Variants in DOCK10 observed in about 807,000 individuals in gnomAD.
DOCK10 encodes dedicator of cytokinesis protein 10.
Under a neutral mutation model 280.1 loss-of-function variants are expected in DOCK10, and 145 were observed. That is an observed-to-expected ratio of 0.52 (90% CI 0.45 to 0.59). DOCK10 has a LOEUF of 0.59. Among genes scored for constraint, DOCK10 ranks in the 20% least tolerant of loss-of-function variants. The probability of loss-of-function intolerance (pLI) is 0.00; values close to 1 mark genes in which losing one functional copy is unlikely to be tolerated. For synonymous variants in DOCK10, 915 were observed against 942.2 expected, an observed-to-expected ratio of 0.97 and a Z score of 0.53; for missense variants, 2,368 against 2,651.7, an observed-to-expected ratio of 0.89 and a Z score of 2.35.
chr2:224,808,799 T>C (rs887232158), intron 31 of DOCK10, among the ~76,000 whole-genome samples: 2 of 152,096 alleles, frequency 1.3e-5, no homozygotes, highest in Admixed American at 6.6e-5. Context: ...CTTTACTGAC[T>C]TATTAATATG....
intron 7 of DOCK10, among the ~76,000 whole-genome samples, chr2:224,883,170 G>A (rs955450761): frequency 1.3e-5 from 2 of 152,172 alleles, no homozygotes; most frequent in Admixed American, 6.5e-5. Context: ...GTTCATCATT[G>A]TTTCATGTTC....
chr2:224,865,145 C>A, intron 11 of DOCK10, 58 bp from the exon 12 acceptor site: 1 of 1,507,944 alleles, frequency 6.6e-7, no homozygotes, highest in Admixed American at 1.7e-5. Flanking sequence ...CATGAGACAG[C>A]CTCGTTAGTA....
chr2:225,002,394 A>C (rs1290016592), intron 1 of DOCK10, among the ~76,000 whole-genome samples: 2 of 152,228 alleles, frequency 1.3e-5, no homozygotes, highest in Non-Finnish European at 2.9e-5. Flanking sequence ...ATGCTGAATA[A>C]AAGCAGGCAC....
chr2:224,931,465 G>C, intron 2 of DOCK10, 84 bp downstream of exon 2: 1 of 1,457,864 alleles, frequency 6.9e-7, no homozygotes, highest in Non-Finnish European at 9.2e-7. Context: ...GGGAGGCCTG[G>C]ACTCTCTGAA....
intron 22 of DOCK10, among the ~76,000 whole-genome samples, chr2:224,842,153 G>T (rs1696007093): frequency 6.6e-6 from 1 of 152,168 alleles, no homozygotes; most frequent in African/African-American, 2.4e-5. Context: ...ACATGACAAT[G>T]GCTGGAGAAT....
chr2:224,961,468 TTTTCTTTC>T (rs1553623603), intron 1 of DOCK10, among the ~76,000 whole-genome samples: 1 of 66,620 alleles, frequency 1.5e-5, no homozygotes, highest in African/African-American at 7.1e-5. Flanking sequence ...CTTTCTTTCT[TTTTCTTTC>T]TTTCTTTCTC....
chr2:224,886,207 A>G (rs1376378951), intron 5 of DOCK10, 22 bp from the exon 6 acceptor site: 3 of 1,613,472 alleles, frequency 1.9e-6, no homozygotes, highest in Non-Finnish European at 2.5e-6. Context: ...GCATAGTAGC[A>G]TGACAGCCAT....
chr2:224,775,429 G>A (rs941200078), intron 51 of DOCK10, among the ~76,000 whole-genome samples: 4 of 151,924 alleles, frequency 2.6e-5, no homozygotes, highest in Admixed American at 6.6e-5. Context: ...ATGTTCAATC[G>A]CCTTTGTCTG....
intron 14 of DOCK10, among the ~76,000 whole-genome samples, chr2:224,859,546 C>T (rs1417140952): frequency 6.6e-6 from 1 of 152,110 alleles, no homozygotes; most frequent in African/African-American, 2.4e-5. Flanking sequence ...TATAAGAATA[C>T]CAAATTAATT....
At chr2:224,906,917 T>C (rs1462708401) in intron 3 of DOCK10, among the ~76,000 whole-genome samples, 1 of 152,198 alleles carries the variant, frequency 6.6e-6, no homozygotes, top group Non-Finnish European at 1.5e-5. Flanking sequence ...GTTAAGCCCA[T>C]GTTGGATAAT....
intron 40 of DOCK10, 132 bp downstream of exon 40, chr2:224,801,784 G>T: frequency 9.9e-7 from 1 of 1,009,530 alleles, no homozygotes; most frequent in Non-Finnish European, 1.5e-6. Context: ...TCCCTGGTGA[G>T]TCTTTCCCTT....
intron 24 of DOCK10, among the ~76,000 whole-genome samples, chr2:224,838,790 A>G (rs1695754924): frequency 6.6e-6 from 1 of 152,236 alleles, no homozygotes; most frequent in Admixed American, 6.5e-5. Flanking sequence ...TAATTAATTC[A>G]AAGCACTATC....
At chr2:224,818,150 T>G (rs922362376) in intron 29 of DOCK10, among the ~76,000 whole-genome samples, 1 of 152,156 alleles carries the variant, frequency 6.6e-6, no homozygotes, top group African/African-American at 2.4e-5. Context: ...GGTTCTTCAT[T>G]TGCAATTACT....
intron 3 of DOCK10, among the ~76,000 whole-genome samples, chr2:224,898,694 C>T (rs868392160): frequency 2.6e-5 from 4 of 152,276 alleles, no homozygotes; most frequent in South Asian, 2.1e-4. Context: ...CTCCTGCCTC[C>T]GCCTCCGGAG....
intron 55 of DOCK10, among the ~76,000 whole-genome samples, chr2:224,767,249 C>T (rs144580074): frequency 5.3e-5 from 8 of 152,126 alleles, no homozygotes; most frequent in African/African-American, 1.7e-4. Flanking sequence ...CTGCAACCTC[C>T]GCCTCCTGGA....
chr2:224,863,211 T>C (rs1023336447), intron 13 of DOCK10, among the ~76,000 whole-genome samples: 2 of 152,152 alleles, frequency 1.3e-5, no homozygotes, highest in Admixed American at 6.5e-5. Context: ...AGCAGGGAAA[T>C]GGCCATAGAC....
At chr2:224,801,225 C>T (rs1288349234) in intron 40 of DOCK10, among the ~76,000 whole-genome samples, 1 of 112,118 alleles carries the variant, frequency 8.9e-6, no homozygotes. Context: ...GGATTCTTTA[C>T]AGAATGCAAA....
At chr2:224,891,627 G>A (rs1274740202) in intron 4 of DOCK10, among the ~76,000 whole-genome samples, 2 of 152,104 alleles carry the variant, frequency 1.3e-5, no homozygotes, top group Non-Finnish European at 2.9e-5. Context: ...ATATGAGACA[G>A]AGAATACCAA....
chr2:224,795,218 G>A, intron 44 of DOCK10, 124 bp from the exon 45 acceptor site: 5 of 788,350 alleles, frequency 6.3e-6, no homozygotes, highest in Non-Finnish European at 1.0e-5. Context: ...AGTTATAAAT[G>A]AGTGCATTCT....
Sources: allele counts gnomAD v4.1 joint callset (sites outside exome capture counted in the v4.1 genomes callset), GRCh38; gene constraint gnomAD v4.1.1; transcripts MANE v1.5; gene names NCBI Gene and HGNC (gene_info 2026-07-23, HGNC 2026-07-21).